PDE3A: variants seen among roughly 807,000 people sequenced by gnomAD.
The protein encoded by PDE3A is phosphodiesterase 3A.
Under a neutral mutation model 98.3 loss-of-function variants are expected in PDE3A, and 43 were observed. The observed-to-expected ratio is 0.44, with a 90% CI of 0.34 to 0.56. PDE3A has a LOEUF of 0.56. Among genes scored for constraint, PDE3A ranks in the 20% least tolerant of loss-of-function variants. The probability of loss-of-function intolerance (pLI) is 0.01; values close to 1 mark genes in which losing one functional copy is unlikely to be tolerated. For synonymous variants in PDE3A, 663 were observed against 567.9 expected, an observed-to-expected ratio of 1.17 and a Z score of -2.38; for missense variants, 1,427 against 1,440.7, an observed-to-expected ratio of 0.99 and a Z score of 0.15.
intron 1 of PDE3A, among the ~76,000 whole-genome samples, chr12:20,540,650 T>C (rs1470120451): frequency 6.6e-6 from 1 of 152,134 alleles, no homozygotes; most frequent in Non-Finnish European, 1.5e-5. Flanking sequence ...TGTTTGAATG[T>C]GTTTCTGTTC....
chr12:20,657,295 C>A (rs1263253384), intron 15 of PDE3A, among the ~76,000 whole-genome samples: 5 of 152,072 alleles, frequency 3.3e-5, no homozygotes, highest in Admixed American at 6.5e-5. Context: ...GTTGTAGAAC[C>A]AGAAAGGGAA....
At chr12:20,573,699 GT>G (rs1028632527) in intron 2 of PDE3A, among the ~76,000 whole-genome samples, 1 of 151,820 alleles carries the variant, frequency 6.6e-6, no homozygotes, top group Non-Finnish European at 1.5e-5. Context: ...TCAAAATTCA[GT>G]TTTTTTATAC....
At chr12:20,412,752 A>T (rs569869717) in intron 1 of PDE3A, among the ~76,000 whole-genome samples, 2 of 152,244 alleles carry the variant, frequency 1.3e-5, no homozygotes, top group African/African-American at 4.8e-5. Flanking sequence ...AATGACCTTA[A>T]ACTCAAGGTA....
intron 1 of PDE3A, among the ~76,000 whole-genome samples, chr12:20,523,756 A>T (rs1946469714): frequency 5.3e-5 from 8 of 152,224 alleles, no homozygotes. Context: ...CTGATGTAGG[A>T]ATGTATCACT....
At chr12:20,597,550 A>T (rs1040670879) in intron 2 of PDE3A, among the ~76,000 whole-genome samples, 6 of 151,934 alleles carry the variant, frequency 3.9e-5, no homozygotes, top group Non-Finnish European at 8.8e-5. Context: ...GATAATGGTG[A>T]CTCTGTTCAG....
chr12:20,481,764 A>ATTTTTTTTTTTTTT lies in PDE3A; in HGVS notation c.961-74887_961-74874dup, dbSNP rs10657239. Among the ~76,000 whole-genome samples the ATTTTTTTTTTTTTT allele has an allele frequency of 1.5e-3, 118 of 79,592 alleles. 19 individuals are homozygous for ATTTTTTTTTTTTTT. The highest frequency in any genetic ancestry group is 5.0e-3 in the African/African-American group (96 of 19,304). The allele number at this position is 79,592 out of a possible 152,430, so 52.2% of individuals were successfully genotyped here. On this transcript the variant is annotated intron_variant, in intron 1 of 15. Coordinates refer to ENST00000359062, the MANE Select transcript of PDE3A (RefSeq NM_000921.5). Reference sequence around the variant, plus strand: ...TCCATGTAAGTGACTTGGGAAATAGATTTTTTTTTTTTTTTTTTTTTTGAG... The same window carrying ATTTTTTTTTTTTTT: ...TCCATGTAAGTGACTTGGGAAATAGATTTTTTTTTTTTTTTTTTTTTTTTTTTTTTTTTTTTGAG...
intron 1 of PDE3A, among the ~76,000 whole-genome samples, chr12:20,393,541 G>A (rs1294584742): frequency 1.3e-5 from 2 of 151,936 alleles, no homozygotes; most frequent in Non-Finnish European, 2.9e-5. Context: ...TGTTTAAGGT[G>A]ATGTATCATC....
At chr12:20,465,397 ATTTAT>A (rs979574880) in intron 1 of PDE3A, among the ~76,000 whole-genome samples, 95 of 152,080 alleles carry the variant, frequency 6.2e-4, no homozygotes, top group African/African-American at 2.0e-3. Context: ...TTAAAAATTT[ATTTAT>A]TTTATTTTAT....
chr12:20,613,830 G>A, intron 3 of PDE3A, 130 bp downstream of exon 3: 1 of 636,588 alleles, frequency 1.6e-6, no homozygotes, highest in East Asian at 2.7e-5. Context: ...TGTTGATCGT[G>A]GTGACAGAAG....
At chr12:20,652,166 C>A (rs1944934101) in intron 14 of PDE3A, among the ~76,000 whole-genome samples, 1 of 152,092 alleles carries the variant, frequency 6.6e-6, no homozygotes, top group South Asian at 2.1e-4. Flanking sequence ...TCCAGTCTAT[C>A]ATTGTTGGAC....
At chr12:20,587,461 T>C (rs1943224514) in intron 2 of PDE3A, among the ~76,000 whole-genome samples, 1 of 152,140 alleles carries the variant, frequency 6.6e-6, no homozygotes, top group South Asian at 2.1e-4. Context: ...AATTAGGACT[T>C]CTGGAAAAGA....
Position 20,684,100 on chromosome 12 carries a change from T to C in PDE3A, c.*3829T>C, listed in dbSNP as rs558904511. On this transcript the variant is annotated 3_prime_UTR_variant, in exon 16 of 16. Coordinates refer to ENST00000359062, the MANE Select transcript of PDE3A (RefSeq NM_000921.5). ...AAATAAAGTCTAAAGTTTGAAATTA[T>C]TAATTTATAAAAGTGAACTAATTGT... 1.3e-5 allele frequency: 2 copies of C among 152,174 alleles called. No individual in the cohort carries two copies. Among genetic ancestry groups the C allele is most frequent in the African/African-American group, 4.8e-5 (2 of 41,450 alleles). The allele number at this position is 152,174 out of a possible 1,614,324, so 9.4% of individuals were successfully genotyped here.
chr12:20,420,767 A>G (rs1409258327), intron 1 of PDE3A, among the ~76,000 whole-genome samples: 1 of 152,198 alleles, frequency 6.6e-6, no homozygotes, highest in Non-Finnish European at 1.5e-5. Context: ...CTCTGAAAAT[A>G]CAAGCTTCTA....
intron 1 of PDE3A, among the ~76,000 whole-genome samples, chr12:20,433,582 G>C (rs1234375126): frequency 6.6e-6 from 1 of 151,866 alleles, no homozygotes; most frequent in Non-Finnish European, 1.5e-5. Context: ...TCTGCAATCT[G>C]GTTTTTAATA....
chr12:20,669,167 C>T (rs375358055), intron 15 of PDE3A, among the ~76,000 whole-genome samples: 41 of 151,928 alleles, frequency 2.7e-4, no homozygotes, highest in East Asian at 1.2e-3. Flanking sequence ...TAAAAAGAAA[C>T]GAGCAAAGCC....
intron 1 of PDE3A, among the ~76,000 whole-genome samples, chr12:20,383,094 G>A (rs1943690594): frequency 6.6e-6 from 1 of 151,866 alleles, no homozygotes; most frequent in South Asian, 2.1e-4. Flanking sequence ...ATTGAAAAAG[G>A]CTTAAGAGAG....
intron 15 of PDE3A, among the ~76,000 whole-genome samples, chr12:20,654,733 C>T (rs1052012693): frequency 2.9e-5 from 4 of 139,532 alleles, no homozygotes; most frequent in Non-Finnish European, 4.5e-5. Flanking sequence ...AGGATGGTCT[C>T]GATCTCCTGA....
chr12:20,407,459 G>T (rs1158412680), intron 1 of PDE3A, among the ~76,000 whole-genome samples: 1 of 152,172 alleles, frequency 6.6e-6, no homozygotes, highest in African/African-American at 2.4e-5. Flanking sequence ...TTAGTCTGAA[G>T]TATCTTCATG....
In PDE3A at chr12:20,550,909, A is replaced by G. The variant is rs117180072; in HGVS notation, c.961-5751A>G. On this transcript the variant is annotated intron_variant, in intron 1 of 15. Coordinates refer to ENST00000359062, the MANE Select transcript of PDE3A (RefSeq NM_000921.5). Reference sequence around the variant, plus strand: ...CCCTTTTGTTGGATAAACAATTAGTAGCACATTATAGTTACTGGATTTTTA... The same window carrying G: ...CCCTTTTGTTGGATAAACAATTAGTGGCACATTATAGTTACTGGATTTTTA... Among the ~76,000 whole-genome samples, 628 of 151,866 alleles carry G rather than the reference A, an allele frequency of 4.1e-3. 2 individuals carry two copies. Among genetic ancestry groups the G allele is most frequent in the Non-Finnish European group, 7.4e-3 (500 of 67,850 alleles).
Sources: gnomAD v4.1 joint callset for allele counts (sites outside exome capture counted in the v4.1 genomes callset) on GRCh38, gnomAD v4.1.1 for gene constraint, MANE v1.5 for transcripts, NCBI Gene and HGNC (gene_info 2026-07-23, HGNC 2026-07-21) for gene names.